The following SRPK2 variants were observed in gnomAD, a reference collection of about 807,000 sequenced individuals.
SRPK2 encodes SFRS protein kinase 2.
SRPK2 carries 21 observed loss-of-function variants against 90.8 expected under a neutral mutation model. That is an observed-to-expected ratio of 0.23 (90% confidence interval 0.16 to 0.33). SRPK2 has a LOEUF of 0.33. Ranked by LOEUF, SRPK2 falls within the 10% of genes least tolerant of loss-of-function variation. SRPK2 has a pLI of 1.00. For missense variants in SRPK2, 620 were observed against 869.0 expected (o/e 0.71, Z 3.60); for synonymous variants, 288 against 311.1 (o/e 0.93, Z 0.78).
chr7:105,238,877 C>T (rs1369074755), intron 2 of SRPK2, among the ~76,000 whole-genome samples: 1 of 152,068 alleles, frequency 6.6e-6, no homozygotes, highest in Non-Finnish European at 1.5e-5. Context: ...CACTTTGGAG[C>T]ACACTCTTCT....
intron 3 of SRPK2, among the ~76,000 whole-genome samples, chr7:105,199,532 G>A (rs1795296946): frequency 6.6e-6 from 1 of 152,192 alleles, no homozygotes; most frequent in Admixed American, 6.5e-5. Flanking sequence ...CAGAGCATGA[G>A]TTAGGTGAGA....
chr7:105,209,947 T>C (rs1796656366), intron 2 of SRPK2, among the ~76,000 whole-genome samples: 1 of 152,208 alleles, frequency 6.6e-6, no homozygotes, highest in African/African-American at 2.4e-5. Context: ...AATATCATAC[T>C]ATAATACTAA....
Position 105,370,703 on chromosome 7 carries a change from C to T in SRPK2, c.71+17945G>A, listed in dbSNP as rs148335813. 6.0e-5 allele frequency among the ~76,000 whole-genome samples: 9 copies of T among 149,770 alleles called. No homozygotes were observed. In the East Asian group the frequency reaches 1.6e-3, roughly 26 times the overall value. On this transcript the variant is annotated intron_variant, in intron 2 of 15. Coordinates refer to ENST00000393651, the MANE Select transcript of SRPK2 (RefSeq NM_182692.3). ...CCATCTCGGCTCACTGCAACCTCTG[C>T]CTCCCAGGTTCAAATGATTCTCATG... is the stretch of plus-strand genomic sequence containing the variant.
intron 2 of SRPK2, chr7:105,245,073 A>ACACACACC (rs1451267912): frequency 5.1e-6 from 3 of 592,628 alleles, no homozygotes; most frequent in African/African-American, 2.0e-5. Flanking sequence ...ACACACACAC[A>ACACACACC]CCTCTTTTTC....
intron 2 of SRPK2, among the ~76,000 whole-genome samples, chr7:105,364,364 T>G (rs1295283940): frequency 6.6e-6 from 1 of 150,864 alleles, no homozygotes; most frequent in Non-Finnish European, 1.5e-5. Flanking sequence ...AGTTCTCTTC[T>G]GCTGCACTGA....
At chr7:105,338,573 T>A (rs911495808) in intron 2 of SRPK2, among the ~76,000 whole-genome samples, 1 of 152,194 alleles carries the variant, frequency 6.6e-6, no homozygotes, top group Non-Finnish European at 1.5e-5. Flanking sequence ...TAAGATAATA[T>A]GAAAGTCCAA....
intron 9 of SRPK2, chr7:105,144,088 G>T (rs1804188983): frequency 6.6e-6 from 1 of 152,202 alleles, no homozygotes; most frequent in South Asian, 2.1e-4. Context: ...TGTTGTTGTT[G>T]TTTTCTTTGA....
At chr7:105,342,680 G>GC (rs916396684) in intron 2 of SRPK2, among the ~76,000 whole-genome samples, 2 of 151,982 alleles carry the variant, frequency 1.3e-5, no homozygotes, top group African/African-American at 4.8e-5. Flanking sequence ...TCTCCTCCAT[G>GC]CCCCCGTATA....
chr7:105,264,237 C>G (rs2130190520), intron 2 of SRPK2, among the ~76,000 whole-genome samples: 1 of 152,182 alleles, frequency 6.6e-6, no homozygotes, highest in Middle Eastern at 3.4e-3. Context: ...AATTTTTTCC[C>G]TTCCTTTCTC....
intron 2 of SRPK2, among the ~76,000 whole-genome samples, chr7:105,284,050 GTTTTTTGTTTGTT>G (rs796515721): frequency 2.6e-5 from 4 of 152,178 alleles, no homozygotes; most frequent in African/African-American, 4.8e-5. Flanking sequence ...TTACTTGGGC[GTTTTTTGTTTGTT>G]TTTTTTGTTT....
intron 2 of SRPK2, among the ~76,000 whole-genome samples, chr7:105,343,136 A>G (rs1204076): frequency 0.031 from 4,683 of 152,280 alleles, 252 homozygotes; most frequent in African/African-American, 0.11. Flanking sequence ...AAACATTTGT[A>G]AAATGTGTCA....
At chr7:105,120,225 G>C (rs1262754141) in intron 15 of SRPK2, among the ~76,000 whole-genome samples, 2 of 152,134 alleles carry the variant, frequency 1.3e-5, no homozygotes, top group Non-Finnish European at 2.9e-5. Flanking sequence ...TTCTATCTCA[G>C]AAAAAATACT....
intron 6 of SRPK2, among the ~76,000 whole-genome samples, chr7:105,164,777 T>C (rs1157301093): frequency 6.6e-6 from 1 of 152,226 alleles, no homozygotes; most frequent in East Asian, 1.9e-4. Context: ...GGATGTCATT[T>C]TGGAGTTTAA....
chr7:105,159,775 C>T (rs558881663), intron 7 of SRPK2, among the ~76,000 whole-genome samples: 6 of 152,182 alleles, frequency 3.9e-5, no homozygotes, highest in African/African-American at 1.4e-4. Context: ...ACAAAACACA[C>T]ATCTAATACA....
At chr7:105,118,119 C>T (rs1799822197) in intron 15 of SRPK2, 97 bp from the exon 16 acceptor site, 6 of 1,230,134 alleles carry the variant, frequency 4.9e-6, no homozygotes, top group Non-Finnish European at 6.9e-6. Flanking sequence ...CGGACAACCA[C>T]CTGCTCAACA....
At chr7:105,234,107 A>C (rs892206734) in intron 2 of SRPK2, among the ~76,000 whole-genome samples, 4 of 152,134 alleles carry the variant, frequency 2.6e-5, no homozygotes, top group Non-Finnish European at 5.9e-5. Context: ...TTTTAAACAG[A>C]TTCACATTAA....
At chr7:105,374,701 G>C (rs1820089054) in intron 2 of SRPK2, among the ~76,000 whole-genome samples, 1 of 152,142 alleles carries the variant, frequency 6.6e-6, no homozygotes. Context: ...CACCTCCCGG[G>C]TTCAAGCAGT....
chr7:105,183,921 C>T (rs916056215), intron 3 of SRPK2, among the ~76,000 whole-genome samples: 6 of 152,034 alleles, frequency 3.9e-5, no homozygotes, highest in Non-Finnish European at 8.8e-5. Flanking sequence ...TATACTGATA[C>T]CCTGTAAATC....
chr7:105,294,772 C>T (rs1180607872), intron 2 of SRPK2, among the ~76,000 whole-genome samples: 2 of 152,144 alleles, frequency 1.3e-5, no homozygotes, highest in Non-Finnish European at 2.9e-5. Flanking sequence ...CTGATCTGCC[C>T]ACCTTGGCCT....
Sources: gnomAD v4.1 joint callset for allele counts (sites outside exome capture counted in the v4.1 genomes callset) on GRCh38, gnomAD v4.1.1 for gene constraint, MANE v1.5 for transcripts, NCBI Gene and HGNC (gene_info 2026-07-23, HGNC 2026-07-21) for gene names.